Variants in LCN10 observed in about 807,000 individuals in gnomAD.
LCN10 encodes the protein epididymal-specific lipocalin-10.
Under a neutral mutation model 25.1 loss-of-function variants are expected in LCN10, and 18 were observed. The ratio of observed to expected loss-of-function variants is 0.72; its 90% confidence interval spans 0.50 to 1.06. LCN10 has a LOEUF of 1.06. LCN10 is among the 50% of genes least tolerant of loss of function. The probability of loss-of-function intolerance (pLI) is 0.00; values close to 1 mark genes in which losing one functional copy is unlikely to be tolerated. For synonymous variants in LCN10, 130 were observed against 116.7 expected (o/e 1.11, Z -0.73); for missense variants, 257 against 258.9 (o/e 0.99, Z 0.05).
intron 1 of LCN10, chr9:136,742,523 C>T: frequency 5.5e-6 from 3 of 547,676 alleles, no homozygotes; most frequent in Non-Finnish European, 9.7e-6. Flanking sequence ...TCCCGACCTC[C>T]TCGGCCACAG....
At chr9:136,741,425 C>T (rs12345308) in intron 2 of LCN10, 64 bp from the exon 3 acceptor site, 210,543 of 1,309,790 alleles carry the variant, frequency 0.16, 17,452 homozygotes, top group East Asian at 0.26. Flanking sequence ...TGCCAGCCAC[C>T]GAGCCCCACC....
rs995174401 is a variant in LCN10, at chr9:136,739,637, C to A, written c.575-84G>T. 37 of 1,345,924 alleles carry A rather than the reference C, an allele frequency of 2.7e-5. No homozygotes were observed. The highest frequency in any genetic ancestry group is 2.0e-5 in the Admixed American group (1 of 50,846). 83.4% of individuals were successfully genotyped at this position (1,345,924 alleles called of 1,614,324 possible). A position where few individuals can be genotyped will look rare whatever the true frequency, so the allele number is the denominator to read the frequency against. The stretch of plus-strand genomic sequence containing the variant: ...GTGAACACGTCTCCCCCGGCCGCTC[C>A]CTGGTTCCATGCGTGCTCGTCTTGG... On this transcript the variant is annotated intron_variant, in intron 5 of 5. Coordinates refer to ENST00000497771, the MANE Select transcript of LCN10 (RefSeq NM_001001712.3). The surrounding 1 kb of genome is among the most constrained non-coding windows in gnomAD (Gnocchi z 6.1).
intron 2 of LCN10, 162 bp from the exon 3 acceptor site, chr9:136,741,523 G>C (rs567894957): frequency 1.6e-6 from 1 of 620,676 alleles, no homozygotes; most frequent in South Asian, 1.9e-5. Context: ...TATCCAACTC[G>C]TGTCAATCTG....
At position 136,741,892 on chromosome 9, in the gene LCN10, G is replaced by T. The variant is rs1285153868; in HGVS notation, c.246C>A (p.Leu82=). ...VNKVGQLRVL[L]AFRRLKGCQS... ...CGCTGCCCACTCACCGTCTGAAGGC[G>T]AGGAGCACGCGGAGCTGGCCCACTT... Residue 82 remains leucine (L), a synonymous_variant, in exon 2 of 6, where the codon CTC becomes CTA. Coordinates refer to ENST00000497771, the MANE Select transcript of LCN10 (RefSeq NM_001001712.3). 9 of 1,606,716 alleles carry T rather than the reference G, an allele frequency of 5.6e-6. No homozygotes were observed. In the African/African-American group the frequency reaches 6.7e-5, roughly 12 times the overall value.
Position 136,741,717 on chromosome 9 carries a change from A to G in LCN10, c.257+164T>C, listed in dbSNP as rs915893637. 191 of 982,198 alleles carry G rather than the reference A, an allele frequency of 1.9e-4. 1 individual carries two copies. The African/African-American group carries it at 2.8e-3, about 14-fold the overall frequency. 60.8% of individuals were successfully genotyped at this position (982,198 alleles called of 1,614,324 possible). A position where few individuals can be genotyped will look rare whatever the true frequency, so the allele number is the denominator to read the frequency against. On this transcript the variant is annotated intron_variant, in intron 2 of 5. Coordinates refer to ENST00000497771, the MANE Select transcript of LCN10 (RefSeq NM_001001712.3). Reference sequence around the variant, plus strand: ...CCAACACCCACCCATGTGGGGTCCCAGGGGCTGCAGGTGGCTTCCTCTGAG... The same window carrying G: ...CCAACACCCACCCATGTGGGGTCCCGGGGGCTGCAGGTGGCTTCCTCTGAG...
At position 136,740,172 on chromosome 9, in the gene LCN10, G is replaced by T; in HGVS notation, c.476-124C>A. The T allele has an allele frequency of 2.7e-6, 2 of 745,150 alleles. No individual in the cohort carries two copies. The highest frequency in any genetic ancestry group is 2.0e-5 in the Admixed American group (1 of 48,936). The allele number at this position is 745,150 out of a possible 1,614,324, so 46.2% of individuals were successfully genotyped here. ...CCTCAGAGCTTAGGCGTGAAGCAGG[G>T]GTTGGCCAGGGGAGGACAGCGGCCG... On this transcript the variant is annotated intron_variant, in intron 4 of 5. Coordinates refer to ENST00000497771, the MANE Select transcript of LCN10 (RefSeq NM_001001712.3). This position sits in a 1 kb window ranked among gnomAD's most constrained non-coding sequence, Gnocchi z 5.3.
At position 136,740,475 on chromosome 9, in the gene LCN10, C is replaced by T. The variant is rs1846908209; in HGVS notation, c.475+361G>A. 2 of 444,006 alleles carry T rather than the reference C, an allele frequency of 4.5e-6. No individual in the cohort carries two copies. The highest frequency in any genetic ancestry group is 2.9e-5 in the South Asian group (1 of 34,378). The allele number at this position is 444,006 out of a possible 1,614,324, so 27.5% of individuals were successfully genotyped here. A position where few individuals can be genotyped will look rare whatever the true frequency, so the allele number is the denominator to read the frequency against. The stretch of plus-strand genomic sequence containing the variant: ...GCCCTTAACCCACACTGGGTCACTT[C>T]CACACCCCTCCATCCCGGGCAGACC... On this transcript the variant is annotated intron_variant, in intron 4 of 5. Coordinates refer to ENST00000497771, the MANE Select transcript of LCN10 (RefSeq NM_001001712.3). This position sits in a 1 kb window ranked among gnomAD's most constrained non-coding sequence, Gnocchi z 5.3.
chr9:136,738,219 A>C lies in LCN10; in HGVS notation c.*1306T>G, dbSNP rs947790644. 6.6e-6 allele frequency: 1 copy of C among 152,238 alleles called. No individual in the cohort carries two copies. Among genetic ancestry groups the C allele is most frequent in the Admixed American group, 6.5e-5 (1 of 15,282 alleles). The allele number at this position is 152,238 out of a possible 1,614,324, so 9.4% of individuals were successfully genotyped here. ...TTTCTCATAAGAGATTGCAGCCAGC[A>C]GGGCAGCCCTTCTGACAGGCTAGGA... is the stretch of plus-strand genomic sequence containing the variant. On this transcript the variant is annotated 3_prime_UTR_variant, in exon 6 of 6. Coordinates refer to ENST00000497771, the MANE Select transcript of LCN10 (RefSeq NM_001001712.3).
Position 136,741,881 on chromosome 9 carries a change from C to A in LCN10, c.257G>T (p.Arg86Leu). ...GQLRVLLAFR[R>L]LKGCQSQEVI... Reference sequence around the variant, plus strand: ...TGCCTGGGGGGCGCTGCCCACTCACCGTCTGAAGGCGAGGAGCACGCGGAG... The same window carrying A: ...TGCCTGGGGGGCGCTGCCCACTCACAGTCTGAAGGCGAGGAGCACGCGGAG... The change falls in exon 2 of 6, where the codon CGG (arginine) becomes CTG (leucine). Residue 86 changes from arginine to leucine, a missense_variant and splice_region_variant. Transcript: ENST00000497771. 1.2e-6 allele frequency: 2 copies of A among 1,603,680 alleles called. No homozygotes were observed. Among genetic ancestry groups the A allele is most frequent in the Non-Finnish European group, 1.7e-6 (2 of 1,175,904 alleles).
At position 136,740,339 on chromosome 9, in the gene LCN10, CCCTG is replaced by C; in HGVS notation, c.476-295_476-292del. ...CCCAGCTTGCTGCACCCTGAGCGTG[CCCTG>C]CCTCGACTGAGACCCCAGGACCCCA... On this transcript the variant is annotated intron_variant, in intron 4 of 5. Coordinates refer to ENST00000497771, the MANE Select transcript of LCN10 (RefSeq NM_001001712.3). This position sits in a 1 kb window ranked among gnomAD's most constrained non-coding sequence, Gnocchi z 5.3. 2.0e-6 allele frequency: 1 copy of C among 498,332 alleles called. No homozygotes were observed. The allele number at this position is 498,332 out of a possible 1,614,324, so 30.9% of individuals were successfully genotyped here. A position where few individuals can be genotyped will look rare whatever the true frequency, so the allele number is the denominator to read the frequency against.
chr9:136,739,253 A>G lies in LCN10; in HGVS notation c.*272T>C, dbSNP rs756172129. ...CGGCCTGTGGTCTGTTTCACAGCAG[A>G]CAGGGAATAGCAGCAGCCTGCAGTG... is the stretch of plus-strand genomic sequence containing the variant. On this transcript the variant is annotated 3_prime_UTR_variant, in exon 6 of 6. Coordinates refer to ENST00000497771, the MANE Select transcript of LCN10 (RefSeq NM_001001712.3). The surrounding 1 kb of genome is among the most constrained non-coding windows in gnomAD (Gnocchi z 6.1). 1.7e-5 allele frequency: 8 copies of G among 479,012 alleles called. No individual in the cohort carries two copies. Among genetic ancestry groups the G allele is most frequent in the Non-Finnish European group, 3.0e-5 (8 of 262,312 alleles). 29.7% of individuals were successfully genotyped at this position (479,012 alleles called of 1,614,324 possible). A position where few individuals can be genotyped will look rare whatever the true frequency, so the allele number is the denominator to read the frequency against.
chr9:136,741,744 T>G, intron 2 of LCN10, 137 bp downstream of exon 2: 6 of 1,215,544 alleles, frequency 4.9e-6, no homozygotes, highest in Non-Finnish European at 6.7e-6. Context: ...TCCTCTGAGT[T>G]TAGGGGGAGG....
chr9:136,742,676 CCTGGAA>C, intron 1 of LCN10, 105 bp downstream of exon 1: 1 of 1,354,320 alleles, frequency 7.4e-7, no homozygotes, highest in Non-Finnish European at 9.9e-7. Flanking sequence ...AGCGCCCGTG[CCTGGAA>C]CTGCTGGTAG....
rs776249843 is a variant in LCN10 at position 136,742,774 on chromosome 9, G to A, written c.117+13C>T. ...CCGGCGCCCGGCTCAGGGACCAGTG[G>A]CACATGGCTCACCTTGTTCCAGTTG... On this transcript the variant is annotated intron_variant, in intron 1 of 5. Coordinates refer to ENST00000497771, the MANE Select transcript of LCN10 (RefSeq NM_001001712.3). 25 of 1,612,906 alleles carry A rather than the reference G, an allele frequency of 1.6e-5. No homozygotes were observed. Among genetic ancestry groups the A allele is most frequent in the Non-Finnish European group, 8.5e-6 (10 of 1,179,674 alleles).
chr9:136,741,795 G>T (rs993198008), intron 2 of LCN10, 86 bp downstream of exon 2: 12 of 1,474,998 alleles, frequency 8.1e-6, no homozygotes, highest in Non-Finnish European at 9.9e-6. Flanking sequence ...AGACAGACAG[G>T]CTCCTCCCAG....
chr9:136,741,220 C>CAGCT (rs1846926029), intron 3 of LCN10, 32 bp downstream of exon 3: 1 of 1,584,950 alleles, frequency 6.3e-7, no homozygotes, highest in Non-Finnish European at 8.7e-7. Context: ...GCATATCACG[C>CAGCT]AGCTCCTCCA....
In LCN10 at chr9:136,740,843, C is replaced by A. The variant is rs780183731; in HGVS notation, c.468G>T (p.Leu156=). 1 of 1,611,892 alleles carries A rather than the reference C, an allele frequency of 6.2e-7. No individual in the cohort carries two copies. Among genetic ancestry groups the A allele is most frequent in the Non-Finnish European group, 8.5e-7 (1 of 1,178,950 alleles). ...GRATQNYKNL[L]LFHRQNVSSF... is the part of the protein sequence containing the mutation. The stretch of plus-strand genomic sequence containing the variant: ...TCCGCTGTGCCTGCTCACGGAAGAG[C>A]AGCAGGTTCTTGTAGTTTTGGGTTG... The change falls in exon 4 of 6, where the codon CTG becomes CTT. Residue 156 remains leucine (L), a synonymous_variant. Coordinates refer to ENST00000497771, the MANE Select transcript of LCN10 (RefSeq NM_001001712.3). The surrounding 1 kb of genome is among the most constrained non-coding windows in gnomAD (Gnocchi z 5.3).
Position 136,739,567 on chromosome 9 carries a change from A to T in LCN10, c.575-14T>A, listed in dbSNP as rs1846889627. 2.5e-6 allele frequency: 4 copies of T among 1,597,092 alleles called. No homozygotes were observed. Among genetic ancestry groups the T allele is most frequent in the Non-Finnish European group, 3.4e-6 (4 of 1,172,602 alleles). On this transcript the variant is annotated splice_polypyrimidine_tract_variant and intron_variant, in intron 5 of 5. Transcript: ENST00000497771. The surrounding 1 kb of genome is among the most constrained non-coding windows in gnomAD (Gnocchi z 6.1). ...GTGTACGGGACGCTGTGGGAGAGGA[A>T]AACAGCCACATGTGGGCTGGCTGCT...
At position 136,741,868 on chromosome 9, in the gene LCN10, G is replaced by A. The variant is rs748271493; in HGVS notation, c.257+13C>T. On this transcript the variant is annotated intron_variant, in intron 2 of 5. Coordinates refer to ENST00000497771, the MANE Select transcript of LCN10 (RefSeq NM_001001712.3). ...AAGGGGAGACCCTTGCCTGGGGGGC[G>A]CTGCCCACTCACCGTCTGAAGGCGA... 41 of 1,595,262 alleles carry A rather than the reference G, an allele frequency of 2.6e-5. 1 individual carries two copies. The highest frequency in any genetic ancestry group is 1.7e-4 in the Middle Eastern group (1 of 5,992).
Sources: allele counts gnomAD v4.1 joint callset, GRCh38; gene constraint gnomAD v4.1.1; non-coding constraint Gnocchi (gnomAD v3.1); transcripts MANE v1.5; gene names NCBI Gene and HGNC (gene_info 2026-07-23, HGNC 2026-07-21).